Variants in COL19A1 observed in about 807,000 individuals in gnomAD.
COL19A1 encodes collagen alpha-1(XIX) chain.
COL19A1 carries 159 observed loss-of-function variants against 190.2 expected under a neutral mutation model. The ratio of observed to expected loss-of-function variants is 0.84; its 90% CI spans 0.73 to 0.95. The LOEUF is 0.95. COL19A1 is among the 40% of genes least tolerant of loss of function. COL19A1 has a pLI of 0.00. For missense variants in COL19A1, 1,418 were observed against 1,431.9 expected, an observed-to-expected ratio of 0.99 and a Z score of 0.16; for synonymous variants, 509 against 458.9, an observed-to-expected ratio of 1.11 and a Z score of -1.39.
In COL19A1 at chr6:70,039,766, T is replaced by G. The variant is rs528738631; in HGVS notation, c.1170+3827T>G. The stretch of plus-strand genomic sequence containing the variant: ...ATGTTTTTGGGGAAGTATTGTTTTT[T>G]TTTTTTTTTCTTTTGAGACAGGGTC... On this transcript the variant is annotated intron_variant, in intron 14 of 50. Coordinates refer to ENST00000620364, the MANE Select transcript of COL19A1 (RefSeq NM_001858.6). Among the ~76,000 whole-genome samples the G allele has an allele frequency of 2.1e-4, 32 of 151,984 alleles. No individual in the cohort carries two copies. In the East Asian group the frequency reaches 6.0e-3, roughly 28 times the overall value.
At chr6:69,987,239 T>C (rs3805978) in intron 11 of COL19A1, among the ~76,000 whole-genome samples, 17,188 of 152,210 alleles carry the variant, frequency 0.11, 1,125 homozygotes, top group East Asian at 0.27. Flanking sequence ...AATAAAATCC[T>C]TCTGTCATGT....
rs1001762523 is a variant in COL19A1 at position 70,105,315 on chromosome 6, G to A, written c.1278+3093G>A. ...TGGGACTACAGCTGCGCACCACCAC[G>A]CCCAGCCAATTTTTGTATTTTTAGT... is the stretch of plus-strand genomic sequence containing the variant. On this transcript the variant is annotated intron_variant, in intron 16 of 50. Coordinates refer to ENST00000620364, the MANE Select transcript of COL19A1 (RefSeq NM_001858.6). Among the ~76,000 whole-genome samples the A allele has an allele frequency of 3.3e-5, 5 of 151,856 alleles. No homozygotes were observed. The East Asian group carries it at 7.7e-4, about 23-fold the overall frequency.
At chr6:69,997,472 A>G (rs1286262119) in intron 11 of COL19A1, among the ~76,000 whole-genome samples, 1 of 152,208 alleles carries the variant, frequency 6.6e-6, no homozygotes, top group Admixed American at 6.5e-5. Context: ...CTGTTCAAGG[A>G]ATTAGAGAAA....
At chr6:70,075,907 A>G (rs1781856515) in intron 15 of COL19A1, among the ~76,000 whole-genome samples, 1 of 152,250 alleles carries the variant, frequency 6.6e-6, no homozygotes, top group Non-Finnish European at 1.5e-5. Context: ...ATTGTAACAA[A>G]ATAACATAAT....
At chr6:69,868,884 T>TAC (rs1767646207) in intron 1 of COL19A1, among the ~76,000 whole-genome samples, 3 of 152,122 alleles carry the variant, frequency 2.0e-5, no homozygotes. Context: ...AGTCAATGGT[T>TAC]CTAGAGGCGG....
intron 15 of COL19A1, among the ~76,000 whole-genome samples, chr6:70,079,316 A>G (rs2150161772): frequency 6.6e-6 from 1 of 152,340 alleles, no homozygotes; most frequent in African/African-American, 2.4e-5. Context: ...CTACAGCATT[A>G]GGGCTACGGA....
intron 46 of COL19A1, among the ~76,000 whole-genome samples, chr6:70,186,633 A>G (rs1766533023): frequency 6.6e-6 from 1 of 152,182 alleles, no homozygotes; most frequent in South Asian, 2.1e-4. Context: ...TCATTCCGTC[A>G]TATTTGGTGT....
At chr6:70,131,170 C>A in intron 18 of COL19A1, 1 of 288,774 alleles carries the variant, frequency 3.5e-6, no homozygotes, top group South Asian at 3.1e-5. Context: ...GTGCCATTGT[C>A]AGAAAAAAAA....
intron 11 of COL19A1, among the ~76,000 whole-genome samples, chr6:69,976,228 T>C (rs572508170): frequency 6.6e-6 from 1 of 152,326 alleles, no homozygotes; most frequent in African/African-American, 2.4e-5. Flanking sequence ...ATCTGTCCTC[T>C]CCTATCTTAA....
chr6:70,091,537 G>A (rs994931656), intron 15 of COL19A1, among the ~76,000 whole-genome samples: 5 of 137,248 alleles, frequency 3.6e-5, no homozygotes, highest in Admixed American at 1.6e-4. Flanking sequence ...AAAACACAGC[G>A]AAAAGCCAGC....
chr6:70,152,031 T>C (rs955374023), intron 31 of COL19A1, among the ~76,000 whole-genome samples: 1 of 144,744 alleles, frequency 6.9e-6, no homozygotes, highest in Non-Finnish European at 1.5e-5. Flanking sequence ...TTTTTTTTTT[T>C]ATCTCTAACA....
At chr6:69,956,571 T>C (rs1774434644) in intron 9 of COL19A1, among the ~76,000 whole-genome samples, 1 of 152,058 alleles carries the variant, frequency 6.6e-6, no homozygotes, top group Non-Finnish European at 1.5e-5. Context: ...CATAAAATAT[T>C]TCAATTTCTA....
chr6:70,081,052 G>A (rs902943695), intron 15 of COL19A1, among the ~76,000 whole-genome samples: 2 of 152,066 alleles, frequency 1.3e-5, no homozygotes, highest in African/African-American at 4.8e-5. Context: ...ATCAAAAATG[G>A]TGCACTATTC....
At chr6:70,184,609 A>G (rs984997746) in intron 44 of COL19A1, 94 bp from the exon 45 acceptor site, 36 of 955,132 alleles carry the variant, frequency 3.8e-5, no homozygotes, top group Non-Finnish European at 5.6e-5. Flanking sequence ...CAGTAGAAAT[A>G]TGATTAAGGA....
chr6:70,145,432 G>A (rs546866265), intron 25 of COL19A1, among the ~76,000 whole-genome samples: 38 of 152,176 alleles, frequency 2.5e-4, no homozygotes, highest in Non-Finnish European at 4.1e-4. Context: ...AACAGAAAAC[G>A]AAATACTACA....
chr6:70,146,902 C>T lies in COL19A1; in HGVS notation c.1893+13C>T. 5.1e-6 allele frequency: 8 copies of T among 1,555,142 alleles called. No individual in the cohort carries two copies. The highest frequency in any genetic ancestry group is 6.9e-6 in the Non-Finnish European group (8 of 1,156,896). On this transcript the variant is annotated intron_variant, in intron 27 of 50. Coordinates refer to ENST00000620364, the MANE Select transcript of COL19A1 (RefSeq NM_001858.6). ...TCCTGGCAGAACAGTAAGTGAAATT[C>T]ATTCGAGTCCTTGTTGATTCCAACA...
At position 70,168,080 on chromosome 6, in the gene COL19A1, T is replaced by A. The variant is rs776426039; in HGVS notation, c.2496+5T>A. Reference sequence around the variant, plus strand: ...AGCAGTTTATATAAAATTAAGGTATTTATATTTGTAATTATTTAAAATCCA... The same window carrying A: ...AGCAGTTTATATAAAATTAAGGTATATATATTTGTAATTATTTAAAATCCA... On this transcript the variant is annotated splice_donor_5th_base_variant and intron_variant, in intron 38 of 50. Coordinates refer to ENST00000620364, the MANE Select transcript of COL19A1 (RefSeq NM_001858.6). 6.3e-7 allele frequency: 1 copy of A among 1,588,534 alleles called. No individual in the cohort carries two copies. The highest frequency in any genetic ancestry group is 1.1e-5 in the South Asian group (1 of 88,514).
chr6:69,901,138 C>CA (rs11372287), intron 4 of COL19A1, among the ~76,000 whole-genome samples: 46,567 of 152,080 alleles, frequency 0.31, 8,670 homozygotes, highest in African/African-American at 0.52. Flanking sequence ...AATAAAAACC[C>CA]TCAAAATTCT....
chr6:70,045,958 G>T (rs1779887934), intron 14 of COL19A1, among the ~76,000 whole-genome samples: 2 of 152,130 alleles, frequency 1.3e-5, no homozygotes, highest in South Asian at 4.1e-4. Flanking sequence ...TGAGTTTCCA[G>T]TGTCTTCAGG....
Sources: allele counts gnomAD v4.1 joint callset (sites outside exome capture counted in the v4.1 genomes callset), GRCh38; gene constraint gnomAD v4.1.1; transcripts MANE v1.5; gene names NCBI Gene and HGNC (gene_info 2026-07-23, HGNC 2026-07-21).